PPARGC1A: variants seen among roughly 807,000 people sequenced by gnomAD.
PPARGC1A encodes the protein PPARG coactivator 1 alpha, also known as peroxisome proliferator-activated receptor gamma coactivator 1-alpha.
A neutral mutation model predicts 88.7 loss-of-function variants in PPARGC1A; 25 were observed. The observed-to-expected ratio is 0.28, with a 90% CI of 0.21 to 0.39. The LOEUF (loss-of-function observed/expected upper bound fraction) is 0.39. Among genes scored for constraint, PPARGC1A ranks in the 10% least tolerant of loss-of-function variants. The pLI is 1.00. For synonymous variants in PPARGC1A, 363 were observed against 355.6 expected (o/e 1.02, Z -0.24); for missense variants, 880 against 968.7 (o/e 0.91, Z 1.22).
chr4:24,279,004 G>A, the PPARGC1A span, among the ~76,000 whole-genome samples: 6 of 152,142 alleles, frequency 3.9e-5, no homozygotes, highest in African/African-American at 1.4e-4. Flanking sequence ...GTTTGTTCCT[G>A]GACCAAGAAG....
At chr4:23,954,312 A>C in the PPARGC1A span, among the ~76,000 whole-genome samples, 12 of 152,070 alleles carry the variant, frequency 7.9e-5, no homozygotes, top group Admixed American at 7.9e-4. Flanking sequence ...ATTTACTAAG[A>C]AGTTAATCCA....
Position 23,814,577 on chromosome 4 carries a change from A to T in PPARGC1A, c.906T>A (p.His302Gln). The T allele has an allele frequency of 6.2e-7, 1 of 1,602,662 alleles. No individual in the cohort carries two copies. Among genetic ancestry groups the T allele is most frequent in the Non-Finnish European group, 8.5e-7 (1 of 1,176,094 alleles). The change falls in exon 8 of 13, where the codon CAT becomes CAA. Residue 302 changes from histidine to glutamine, a missense_variant. By Grantham distance (24) the His-to-Gln change is conservative. Transcript: ENST00000264867. ...TAAAAGGGTTATCTTGGTTGGCTTT[A>T]TGAGGAGGAGTGGTGGGTGGAGTTA... The part of the protein sequence containing the change: ...AGLTPPTTPP[H>Q]KANQDNPFRA...
chr4:24,287,766 A>ATGGTCATAT, the PPARGC1A span, among the ~76,000 whole-genome samples: 5 of 152,108 alleles, frequency 3.3e-5, no homozygotes, highest in Non-Finnish European at 7.4e-5. Context: ...CCAAAAAGAA[A>ATGGTCATAT]TGGTCATATT....
chr4:24,020,953 A>G, the PPARGC1A span, among the ~76,000 whole-genome samples: 1 of 152,180 alleles, frequency 6.6e-6, no homozygotes, highest in East Asian at 1.9e-4. Flanking sequence ...TGCTCAGGCC[A>G]GTGTGGCAGT....
chr4:24,089,719 A>C, the PPARGC1A span, among the ~76,000 whole-genome samples: 1 of 151,930 alleles, frequency 6.6e-6, no homozygotes, highest in Admixed American at 6.6e-5. Flanking sequence ...TCACCGTGTT[A>C]GCCAGGATGG....
At chr4:23,952,317 G>A in the PPARGC1A span, among the ~76,000 whole-genome samples, 1 of 152,054 alleles carries the variant, frequency 6.6e-6, no homozygotes, top group Admixed American at 6.6e-5. Flanking sequence ...GCATCTTGGA[G>A]GCCCATATAA....
At chr4:23,913,257 TATATATATATAGAG>T in the PPARGC1A span, among the ~76,000 whole-genome samples, 7 of 46,104 alleles carry the variant, frequency 1.5e-4, no homozygotes, top group African/African-American at 4.7e-4. Flanking sequence ...TATATATATA[TATATATATATAGAG>T]AGAGAGAGAG....
chr4:24,382,922 C>T, the PPARGC1A span, among the ~76,000 whole-genome samples: 22 of 152,192 alleles, frequency 1.4e-4, no homozygotes, highest in Admixed American at 5.2e-4. Flanking sequence ...GGGTCCCTGA[C>T]CCCCATGCCT....
chr4:24,459,262 G>A, the PPARGC1A span, among the ~76,000 whole-genome samples: 2 of 152,092 alleles, frequency 1.3e-5, 1 homozygote, highest in Non-Finnish European at 2.9e-5. Context: ...GGTCTTAAAG[G>A]AAATGGCTCT....
chr4:24,397,689 C>T, the PPARGC1A span, among the ~76,000 whole-genome samples: 8 of 152,158 alleles, frequency 5.3e-5, no homozygotes, highest in African/African-American at 1.9e-4. Flanking sequence ...GGTGGAGCAA[C>T]AAGGTAGAAA....
the PPARGC1A span, among the ~76,000 whole-genome samples, chr4:23,960,189 G>A: frequency 6.6e-6 from 1 of 152,060 alleles, no homozygotes; most frequent in Non-Finnish European, 1.5e-5. Flanking sequence ...ATTCTTTTGT[G>A]TCGGGAATGT....
rs759740981 is a variant in PPARGC1A at position 23,792,120 on chromosome 4, C to CACA, written c.*3699_*3701dup. On this transcript the variant is annotated 3_prime_UTR_variant, in exon 13 of 13. Coordinates refer to ENST00000264867, the MANE Select transcript of PPARGC1A (RefSeq NM_013261.5). ...GGAATTTTCATACAATGAATAAAAC[C>CACA]ACAACAATACATGTAGAATTGGCAG... 1 of 152,428 alleles carries CACA rather than the reference C, an allele frequency of 6.6e-6. No homozygotes were observed. Among genetic ancestry groups the CACA allele is most frequent in the African/African-American group, 2.4e-5 (1 of 41,380 alleles). 9.4% of individuals were successfully genotyped at this position (152,428 alleles called of 1,614,324 possible).
chr4:24,228,061 C>T, the PPARGC1A span, among the ~76,000 whole-genome samples: 7 of 152,216 alleles, frequency 4.6e-5, no homozygotes, highest in Admixed American at 1.3e-4. Context: ...ATCCTCATCT[C>T]GGGCACCAGC....
chr4:24,014,047 T>C, the PPARGC1A span, among the ~76,000 whole-genome samples: 1 of 152,318 alleles, frequency 6.6e-6, no homozygotes, highest in East Asian at 1.9e-4. Context: ...ATGATGTATG[T>C]AAAGGGAACT....
At chr4:23,857,118 A>G (rs1237613530) in intron 2 of PPARGC1A, among the ~76,000 whole-genome samples, 1 of 151,962 alleles carries the variant, frequency 6.6e-6, no homozygotes, top group Non-Finnish European at 1.5e-5. Context: ...TAGCAAATAC[A>G]TGTAATTATA....
the PPARGC1A span, among the ~76,000 whole-genome samples, chr4:23,941,456 T>C: frequency 6.6e-6 from 1 of 152,168 alleles, no homozygotes; most frequent in African/African-American, 2.4e-5. Context: ...GTGATATCTG[T>C]CAGACTCGAT....
the PPARGC1A span, among the ~76,000 whole-genome samples, chr4:24,221,517 CTAAAA>C: frequency 1.6e-4 from 24 of 152,108 alleles, no homozygotes; most frequent in Non-Finnish European, 3.1e-4. Flanking sequence ...CCAAACAAAA[CTAAAA>C]TTTCATATAA....
the PPARGC1A span, among the ~76,000 whole-genome samples, chr4:24,348,858 G>C: frequency 6.6e-6 from 1 of 152,116 alleles, no homozygotes; most frequent in Admixed American, 6.5e-5. Flanking sequence ...GTGATTTTTG[G>C]GGGGTGCTGA....
chr4:23,928,624 A>C, the PPARGC1A span, among the ~76,000 whole-genome samples: 3 of 152,144 alleles, frequency 2.0e-5, no homozygotes, highest in Non-Finnish European at 4.4e-5. Context: ...AATATAAATC[A>C]TTCTATTACA....
Sources: allele counts gnomAD v4.1 joint callset (sites outside exome capture counted in the v4.1 genomes callset), GRCh38; gene constraint gnomAD v4.1.1; transcripts MANE v1.5; gene names NCBI Gene and HGNC (gene_info 2026-07-23, HGNC 2026-07-21).